The following MAF variants were observed in gnomAD, a reference collection of about 807,000 sequenced individuals.
MAF encodes the protein transcription factor Maf.
MAF carries 10 observed loss-of-function variants against 22.0 expected under a neutral mutation model. That is an observed-to-expected ratio of 0.45 (90% confidence interval 0.28 to 0.77). MAF has a LOEUF of 0.77. Among genes scored for constraint, MAF ranks in the 30% least tolerant of loss-of-function variants. MAF has a pLI of 0.12. For synonymous variants in MAF, 337 were observed against 255.8 expected (o/e 1.32, Z -3.03); for missense variants, 544 against 548.4 (o/e 0.99, Z 0.08).
the MAF span, among the ~76,000 whole-genome samples, chr16:79,313,541 C>T: frequency 1.3e-5 from 2 of 152,180 alleles, no homozygotes; most frequent in Non-Finnish European, 2.9e-5. Flanking sequence ...TCATTTTGTT[C>T]TCAAACACTC....
At chr16:79,447,371 C>T in the MAF span, among the ~76,000 whole-genome samples, 1 of 151,724 alleles carries the variant, frequency 6.6e-6, no homozygotes, top group Non-Finnish European at 1.5e-5. Context: ...AATATTACTG[C>T]TCATTAAAGC....
chr16:79,208,841 A>G, the MAF span, among the ~76,000 whole-genome samples: 1 of 152,212 alleles, frequency 6.6e-6, no homozygotes, highest in East Asian at 1.9e-4. Context: ...GTACGGCTGA[A>G]AATTCTCCAA....
chr16:79,234,186 G>T, the MAF span, among the ~76,000 whole-genome samples: 4 of 152,020 alleles, frequency 2.6e-5, no homozygotes, highest in Non-Finnish European at 5.9e-5. Context: ...CACACACAGT[G>T]GTTTTTTTTG....
chr16:79,407,228 T>C, the MAF span, among the ~76,000 whole-genome samples: 1 of 152,128 alleles, frequency 6.6e-6, no homozygotes, highest in Admixed American at 6.5e-5. Flanking sequence ...CCTGGACGCG[T>C]TGCGCAAGGA....
chr16:79,253,795 ACCT>A, the MAF span, among the ~76,000 whole-genome samples: 67 of 150,890 alleles, frequency 4.4e-4, no homozygotes, highest in African/African-American at 1.6e-3. Flanking sequence ...GGGCTATCAC[ACCT>A]CCTGTTCTGA....
At chr16:79,428,096 T>TAAAAAAAA in the MAF span, among the ~76,000 whole-genome samples, 5 of 104,094 alleles carry the variant, frequency 4.8e-5, 1 homozygote, top group Non-Finnish European at 7.3e-5. Context: ...CGACTCAAAT[T>TAAAAAAAA]AAAAAAAAAA....
At chr16:79,497,463 G>A in the MAF span, among the ~76,000 whole-genome samples, 1 of 152,182 alleles carries the variant, frequency 6.6e-6, no homozygotes, top group East Asian at 1.9e-4. Context: ...CAGTTGTGCT[G>A]GCTGTGCACT....
At chr16:79,275,913 A>C in the MAF span, among the ~76,000 whole-genome samples, 1 of 152,164 alleles carries the variant, frequency 6.6e-6, no homozygotes, top group Non-Finnish European at 1.5e-5. Flanking sequence ...AGGTCGAGGC[A>C]GGCAGATCAC....
chr16:79,518,370 C>T, the MAF span, among the ~76,000 whole-genome samples: 1 of 152,200 alleles, frequency 6.6e-6, no homozygotes, highest in African/African-American at 2.4e-5. Flanking sequence ...AGCTCCCTGG[C>T]TGGCTGGAGA....
At chr16:79,494,315 G>T in the MAF span, among the ~76,000 whole-genome samples, 1 of 152,162 alleles carries the variant, frequency 6.6e-6, no homozygotes, top group African/African-American at 2.4e-5. Flanking sequence ...GCAGAATTTA[G>T]CTCCATGCAG....
At chr16:79,497,424 C>T in the MAF span, among the ~76,000 whole-genome samples, 1 of 152,214 alleles carries the variant, frequency 6.6e-6, no homozygotes, top group Non-Finnish European at 1.5e-5. Flanking sequence ...GTGAGTGCCT[C>T]CCAGGAGACC....
At chr16:79,305,724 G>A in the MAF span, among the ~76,000 whole-genome samples, 22 of 152,304 alleles carry the variant, frequency 1.4e-4, no homozygotes, top group African/African-American at 5.1e-4. Flanking sequence ...AGAAATCGAC[G>A]CTGGAAGATT....
chr16:79,211,089 C>T, the MAF span, among the ~76,000 whole-genome samples: 1 of 149,744 alleles, frequency 6.7e-6, no homozygotes, highest in Non-Finnish European at 1.5e-5. Flanking sequence ...ATTGCCAACC[C>T]TTCCCCTAGC....
chr16:79,371,110 G>A, the MAF span, among the ~76,000 whole-genome samples: 1 of 149,982 alleles, frequency 6.7e-6, no homozygotes, highest in African/African-American at 2.5e-5. Context: ...GGTTTGGAGG[G>A]CCCCAAACAT....
the MAF span, among the ~76,000 whole-genome samples, chr16:79,551,713 T>A: frequency 6.6e-6 from 1 of 152,214 alleles, no homozygotes; most frequent in Admixed American, 6.5e-5. Context: ...TAGTATTTAA[T>A]GACACATGAA....
the MAF span, among the ~76,000 whole-genome samples, chr16:79,569,111 C>T: frequency 7.2e-6 from 1 of 137,940 alleles, no homozygotes; most frequent in South Asian, 2.4e-4. Flanking sequence ...ACTATTCCCA[C>T]TTCACCTAGG....
the MAF span, among the ~76,000 whole-genome samples, chr16:79,559,156 G>C: frequency 6.6e-6 from 1 of 152,182 alleles, no homozygotes; most frequent in Non-Finnish European, 1.5e-5. Context: ...GGCGGGCTTA[G>C]CTAGTAACCG....
At chr16:79,358,931 G>A in the MAF span, among the ~76,000 whole-genome samples, 620 of 152,228 alleles carry the variant, frequency 4.1e-3, 20 homozygotes, top group East Asian at 0.076. Flanking sequence ...GAGGCCCTTC[G>A]GTACAGGCCA....
At chr16:79,574,607 A>G in the MAF span, among the ~76,000 whole-genome samples, 1 of 152,024 alleles carries the variant, frequency 6.6e-6, no homozygotes, top group African/African-American at 2.4e-5. Flanking sequence ...CAATTGACCC[A>G]TTTTCCAAAA....
Sources: allele counts gnomAD v4.1 joint callset (sites outside exome capture counted in the v4.1 genomes callset), GRCh38; gene constraint gnomAD v4.1.1; transcripts MANE v1.5; gene names NCBI Gene and HGNC (gene_info 2026-07-23, HGNC 2026-07-21).